Variants in HDHD2 observed in about 807,000 individuals in gnomAD.
HDHD2 encodes haloacid dehalogenase-like hydrolase domain-containing protein 2.
Under a neutral mutation model 24.8 loss-of-function variants are expected in HDHD2, and 26 were observed. The observed-to-expected ratio is 1.05, with a 90% CI of 0.77 to 1.45. The LOEUF is 1.45. Ranked by LOEUF, HDHD2 falls within the 40% of genes most tolerant of loss-of-function variation. HDHD2 has a pLI of 0.00. For synonymous variants in HDHD2, 128 were observed against 114.9 expected (o/e 1.11, Z -0.73); for missense variants, 299 against 313.4 (o/e 0.95, Z 0.35).
intron 3 of HDHD2, among the ~76,000 whole-genome samples, chr18:47,134,056 C>T (rs951789166): frequency 6.6e-6 from 1 of 152,184 alleles, no homozygotes; most frequent in Non-Finnish European, 1.5e-5. Context: ...TTGACCATGC[C>T]TATGTCCTGA....
chr18:47,134,276 T>C (rs982008517), intron 3 of HDHD2: 4 of 570,098 alleles, frequency 7.0e-6, no homozygotes, highest in African/African-American at 3.8e-5. Flanking sequence ...GACACACATA[T>C]AGATATGTAT....
intron 6 of HDHD2, chr18:47,111,210 A>G (rs1037062210): frequency 3.0e-6 from 3 of 985,056 alleles, no homozygotes; most frequent in African/African-American, 1.7e-5. Context: ...ATGGCTTCTC[A>G]GAGACTAAAC....
chr18:47,143,440 A>G (rs2063838115), intron 1 of HDHD2, among the ~76,000 whole-genome samples: 1 of 152,010 alleles, frequency 6.6e-6, no homozygotes. Flanking sequence ...AAACACACAC[A>G]TATATATATA....
intron 1 of HDHD2, 29 bp from the exon 2 acceptor site, chr18:47,136,478 A>G (rs2063767411): frequency 6.3e-7 from 1 of 1,594,166 alleles, no homozygotes; most frequent in Non-Finnish European, 8.6e-7. Flanking sequence ...AATTAAAAAT[A>G]CAGTTTAGGA....
intron 3 of HDHD2, among the ~76,000 whole-genome samples, chr18:47,132,210 T>G (rs1490546192): frequency 6.6e-6 from 1 of 152,194 alleles, no homozygotes; most frequent in Non-Finnish European, 1.5e-5. Flanking sequence ...GATTTCTACA[T>G]CTTACTTTTT....
In HDHD2 at chr18:47,136,404, T is replaced by C. The variant is rs201696312; in HGVS notation, c.36A>G (p.Val12=). The change falls in exon 2 of 7, where the codon GTA becomes GTG. Residue 12 remains valine (V), a synonymous_variant. Coordinates refer to ENST00000300605, the MANE Select transcript of HDHD2 (RefSeq NM_032124.5). ...CAATGTGAAGTGTGCCACTGAGATC[T>C]ACCAAAACAGCTTTTAATGCACGGC... ...AACRALKAVL[V]DLSGTLHIED... 1.2e-5 allele frequency: 19 copies of C among 1,612,992 alleles called. No homozygotes were observed. The highest frequency in any genetic ancestry group is 1.6e-4 in the Middle Eastern group (1 of 6,084).
intron 3 of HDHD2, among the ~76,000 whole-genome samples, chr18:47,130,631 TCAAA>T (rs1371973123): frequency 6.6e-6 from 1 of 152,206 alleles, no homozygotes; most frequent in African/African-American, 2.4e-5. Flanking sequence ...CCTGATGTCC[TCAAA>T]CAAATGACAA....
chr18:47,137,506 C>T (rs896893678), intron 1 of HDHD2, among the ~76,000 whole-genome samples: 6 of 152,122 alleles, frequency 3.9e-5, no homozygotes, highest in African/African-American at 1.4e-4. Flanking sequence ...AACTAAATAG[C>T]CAATGGTATG....
intron 5 of HDHD2, among the ~76,000 whole-genome samples, chr18:47,113,771 C>T (rs937700685): frequency 6.6e-6 from 1 of 151,544 alleles, no homozygotes; most frequent in African/African-American, 2.4e-5. Flanking sequence ...TCCTTAAAAA[C>T]CATTAATATT....
intron 1 of HDHD2, among the ~76,000 whole-genome samples, chr18:47,148,175 G>A (rs2063892614): frequency 6.6e-6 from 1 of 152,064 alleles, no homozygotes; most frequent in Admixed American, 6.6e-5. Flanking sequence ...ACTTTTAGTA[G>A]AGACGGGGTT....
chr18:47,117,148 G>C (rs1202647134), intron 4 of HDHD2, among the ~76,000 whole-genome samples: 3 of 152,112 alleles, frequency 2.0e-5, no homozygotes, highest in African/African-American at 7.2e-5. Context: ...TGTTTTCTAG[G>C]ACACAGATTA....
intron 1 of HDHD2, among the ~76,000 whole-genome samples, chr18:47,148,749 T>C (rs537448878): frequency 6.6e-6 from 1 of 152,350 alleles, no homozygotes; most frequent in African/African-American, 2.4e-5. Context: ...TTTTTAAAAC[T>C]ACCTTTTTGA....
chr18:47,114,099 A>C (rs541814696), intron 5 of HDHD2, among the ~76,000 whole-genome samples: 1 of 152,294 alleles, frequency 6.6e-6, no homozygotes, highest in East Asian at 1.9e-4. Flanking sequence ...TTTTTTAGAC[A>C]TATTTGTCTA....
intron 1 of HDHD2, among the ~76,000 whole-genome samples, chr18:47,148,702 C>T (rs576638900): frequency 8.5e-5 from 13 of 152,320 alleles, no homozygotes; most frequent in African/African-American, 3.1e-4. Flanking sequence ...AGTTCTACTT[C>T]CTTTACAGTC....
chr18:47,129,596 G>A (rs1025559840), intron 4 of HDHD2, among the ~76,000 whole-genome samples: 11 of 152,084 alleles, frequency 7.2e-5, no homozygotes, highest in African/African-American at 7.2e-5. Context: ...CCAGTTCACC[G>A]TATCATTACC....
intron 3 of HDHD2, among the ~76,000 whole-genome samples, chr18:47,133,982 G>A (rs997257568): frequency 6.6e-6 from 1 of 152,126 alleles, no homozygotes; most frequent in African/African-American, 2.4e-5. Flanking sequence ...TTAGTTTAAT[G>A]AGATCCCATT....
chr18:47,123,649 T>C (rs1383798605), intron 4 of HDHD2, among the ~76,000 whole-genome samples: 1 of 151,966 alleles, frequency 6.6e-6, no homozygotes, highest in African/African-American at 2.4e-5. Context: ...GACAAGAATT[T>C]AACAAAATGT....
At chr18:47,150,208 G>T (rs1887408186) in intron 1 of HDHD2, 170 bp downstream of exon 1, 1 of 152,326 alleles carries the variant, frequency 6.6e-6, no homozygotes, top group Non-Finnish European at 1.5e-5. Context: ...AAAGAGGGCG[G>T]TTCCGACGCG....
intron 6 of HDHD2, 80 bp downstream of exon 6, chr18:47,112,897 T>C (rs1410518024): frequency 9.9e-6 from 12 of 1,218,122 alleles, no homozygotes; most frequent in Non-Finnish European, 1.4e-5. Flanking sequence ...GGCTCTGCCA[T>C]TTCTGCAAAG....
Sources: gnomAD v4.1 joint callset for allele counts (sites outside exome capture counted in the v4.1 genomes callset) on GRCh38, gnomAD v4.1.1 for gene constraint, MANE v1.5 for transcripts, NCBI Gene and HGNC (gene_info 2026-07-23, HGNC 2026-07-21) for gene names.